KSR2: variants seen among roughly 807,000 people sequenced by gnomAD.
KSR2 encodes the protein kinase suppressor of ras 2.
A neutral mutation model predicts 107.8 loss-of-function variants in KSR2; 25 were observed. The ratio of observed to expected loss-of-function variants is 0.23; its 90% confidence interval spans 0.17 to 0.32. The LOEUF is 0.32. KSR2 is among the 10% of genes least tolerant of loss of function. The pLI is 1.00. For synonymous variants in KSR2, 480 were observed against 507.0 expected (o/e 0.95, Z 0.71); for missense variants, 887 against 1,268.9 (o/e 0.70, Z 4.57).
chr12:117,682,269 G>A (rs546211432), intron 4 of KSR2, among the ~76,000 whole-genome samples: 39 of 152,220 alleles, frequency 2.6e-4, no homozygotes, highest in African/African-American at 7.9e-4. Context: ...GGCCTATTGC[G>A]GGGGCGGGGG....
chr12:117,874,658 C>T (rs573530728), intron 1 of KSR2, among the ~76,000 whole-genome samples: 1 of 152,156 alleles, frequency 6.6e-6, no homozygotes, highest in Non-Finnish European at 1.5e-5. Flanking sequence ...AGTTCCCAGT[C>T]CCGTGCTCTC....
intron 3 of KSR2, among the ~76,000 whole-genome samples, chr12:117,824,530 T>C (rs1790156002): frequency 1.3e-5 from 2 of 152,162 alleles, no homozygotes; most frequent in Admixed American, 1.3e-4. Context: ...TGAAATTATG[T>C]ACACTTATTA....
chr12:117,751,068 C>T (rs1888595666), intron 4 of KSR2, among the ~76,000 whole-genome samples: 2 of 152,128 alleles, frequency 1.3e-5, no homozygotes, highest in South Asian at 4.2e-4. Context: ...GTGGGATGGA[C>T]CAGGTGCAGA....
chr12:117,619,067 T>G (rs1467825089), intron 5 of KSR2, among the ~76,000 whole-genome samples: 1 of 152,122 alleles, frequency 6.6e-6, no homozygotes, highest in African/African-American at 2.4e-5. Flanking sequence ...CAAAGATAAC[T>G]CCCACCTTCA....
chr12:117,864,535 G>C (rs545997485), intron 1 of KSR2, among the ~76,000 whole-genome samples: 3 of 152,178 alleles, frequency 2.0e-5, no homozygotes, highest in Non-Finnish European at 4.4e-5. Context: ...AGTTTACTAG[G>C]ACTGCTGTAA....
chr12:117,903,060 A>G (rs1894737021), intron 1 of KSR2, among the ~76,000 whole-genome samples: 1 of 152,220 alleles, frequency 6.6e-6, no homozygotes, highest in Non-Finnish European at 1.5e-5. Flanking sequence ...GCCCCTACAA[A>G]GGTGAGTTGC....
intron 4 of KSR2, among the ~76,000 whole-genome samples, chr12:117,668,937 T>C (rs1884784511): frequency 6.6e-6 from 1 of 152,062 alleles, no homozygotes; most frequent in South Asian, 2.1e-4. Context: ...TGTTGAATGA[T>C]CTCTAAATGG....
chr12:117,855,787 T>C (rs1241996055), intron 2 of KSR2, among the ~76,000 whole-genome samples: 1 of 152,146 alleles, frequency 6.6e-6, no homozygotes, highest in Non-Finnish European at 1.5e-5. Flanking sequence ...TGCTCATCTG[T>C]AAAGTGGGAC....
At chr12:117,947,262 T>G (rs59979745) in intron 1 of KSR2, among the ~76,000 whole-genome samples, 16 of 105,544 alleles carry the variant, frequency 1.5e-4, no homozygotes, top group South Asian at 3.2e-4. Context: ...AGAAAGAAGA[T>G]AAACCACATG....
At chr12:117,702,321 C>A (rs1180782459) in intron 4 of KSR2, among the ~76,000 whole-genome samples, 2 of 152,200 alleles carry the variant, frequency 1.3e-5, no homozygotes, top group Non-Finnish European at 2.9e-5. Flanking sequence ...CTTATCAGAT[C>A]TGTTCCACGA....
intron 4 of KSR2, among the ~76,000 whole-genome samples, chr12:117,704,107 T>A (rs938667293): frequency 2.6e-5 from 4 of 152,066 alleles, no homozygotes; most frequent in African/African-American, 9.7e-5. Flanking sequence ...GGGGAGGGCA[T>A]TTCATATTCA....
At chr12:117,585,435 T>G (rs966711734) in intron 5 of KSR2, among the ~76,000 whole-genome samples, 25 of 152,350 alleles carry the variant, frequency 1.6e-4, no homozygotes, top group African/African-American at 5.5e-4. Context: ...TTGGTCTCAT[T>G]TCCCAATATC....
At chr12:117,724,305 C>A in intron 4 of KSR2, among the ~76,000 whole-genome samples, 1 of 127,566 alleles carries the variant, frequency 7.8e-6, no homozygotes. Flanking sequence ...AGAGTGACAC[C>A]CTGTCTCAAA....
At chr12:117,539,431 G>C in intron 10 of KSR2, 28 of 377,070 alleles carry the variant, frequency 7.4e-5, no homozygotes, top group African/African-American at 4.6e-4. Context: ...AAAAGACAGA[G>C]TCTCTAAGAG....
At chr12:117,670,758 A>G (rs947495748) in intron 4 of KSR2, among the ~76,000 whole-genome samples, 10 of 152,148 alleles carry the variant, frequency 6.6e-5, no homozygotes, top group Non-Finnish European at 1.5e-4. Flanking sequence ...AAATGCTGTA[A>G]TAGATGAAGG....
At chr12:117,609,544 C>T (rs117568753) in intron 5 of KSR2, among the ~76,000 whole-genome samples, 3,864 of 152,288 alleles carry the variant, frequency 0.025, 56 homozygotes, top group Non-Finnish European at 0.038. Flanking sequence ...TATTTTGTGA[C>T]ATGGAAAATT....
rs773517107 is a variant in KSR2 at position 117,761,463 on chromosome 12, C to G, written c.534G>C (p.Glu178Asp). 3.1e-6 allele frequency: 5 copies of G among 1,613,142 alleles called. No homozygotes were observed. The highest frequency in any genetic ancestry group is 4.2e-6 in the Non-Finnish European group (5 of 1,179,650). Reference sequence around the variant, plus strand: ...GCTCCGGGGGGCACACGGGATTGTTCTCCTTCCCCGTCTCTGTCGTGGGCC... The same window carrying G: ...GCTCCGGGGGGCACACGGGATTGTTGTCCTTCCCCGTCTCTGTCGTGGGCC... The part of the protein sequence containing the change: ...IQWPTTETGK[E>D]NNPVCPPEPT... Residue 178 changes from glutamate (E) to aspartate (D), a missense_variant, in exon 4 of 20, where the codon GAG becomes GAC. Physicochemically the swap from Glu to Asp is conservative, Grantham distance 45. Coordinates refer to ENST00000339824, the MANE Select transcript of KSR2 (RefSeq NM_173598.6).
At chr12:117,939,551 A>C (rs1302477346) in intron 1 of KSR2, among the ~76,000 whole-genome samples, 1 of 152,110 alleles carries the variant, frequency 6.6e-6, no homozygotes, top group Non-Finnish European at 1.5e-5. Context: ...TCTCTACTAA[A>C]AATACAAAAA....
At chr12:117,471,030 CT>C (rs1449191545) in intron 18 of KSR2, among the ~76,000 whole-genome samples, 160 bp downstream of exon 18, 2 of 152,182 alleles carry the variant, frequency 1.3e-5, no homozygotes, top group African/African-American at 4.8e-5. Context: ...GCAGCCTTGC[CT>C]TTTAAGCTTC....
Sources: allele counts gnomAD v4.1 joint callset (sites outside exome capture counted in the v4.1 genomes callset), GRCh38; gene constraint gnomAD v4.1.1; transcripts MANE v1.5; gene names NCBI Gene and HGNC (gene_info 2026-07-23, HGNC 2026-07-21).